Variants in PCDH15 observed in about 807,000 individuals in gnomAD.
PCDH15 encodes protocadherin-15.
Under a neutral mutation model 178.5 loss-of-function variants are expected in PCDH15, and 129 were observed. That is an observed-to-expected ratio of 0.72 (90% CI 0.63 to 0.84). The LOEUF (loss-of-function observed/expected upper bound fraction) is 0.84, where lower values mean the gene tolerates loss of function less well. PCDH15 is among the 40% of genes least tolerant of loss of function. The pLI is 0.00. For synonymous variants in PCDH15, 800 were observed against 732.0 expected (o/e 1.09, Z -1.50); for missense variants, 2,230 against 2,099.9 (o/e 1.06, Z -1.21).
intron 17 of PCDH15, among the ~76,000 whole-genome samples, chr10:54,068,174 T>C (rs1483351629): frequency 6.6e-6 from 1 of 152,058 alleles, no homozygotes; most frequent in Non-Finnish European, 1.5e-5. Flanking sequence ...CAAAAGCAAA[T>C]ACTTTTTTTA....
At chr10:54,158,931 C>A (rs561562253) in intron 13 of PCDH15, among the ~76,000 whole-genome samples, 3 of 152,054 alleles carry the variant, frequency 2.0e-5, no homozygotes, top group East Asian at 1.9e-4. Flanking sequence ...CACGGTGAAA[C>A]CCCATCTCTA....
chr10:54,321,966 C>T (rs1319285387), intron 7 of PCDH15, among the ~76,000 whole-genome samples: 2 of 151,942 alleles, frequency 1.3e-5, no homozygotes, highest in Non-Finnish European at 2.9e-5. Context: ...CATGCACACT[C>T]ATAACTTGTG....
chr10:54,446,005 A>C (rs549618724), intron 3 of PCDH15, among the ~76,000 whole-genome samples: 1 of 151,108 alleles, frequency 6.6e-6, no homozygotes, highest in African/African-American at 2.4e-5. Flanking sequence ...CAGGTCTCTC[A>C]TTTTTTTTAA....
At chr10:54,072,119 T>G (rs2094256123) in intron 17 of PCDH15, among the ~76,000 whole-genome samples, 1 of 152,152 alleles carries the variant, frequency 6.6e-6, no homozygotes, top group African/African-American at 2.4e-5. Context: ...ATGTTATTTA[T>G]AGAACACAAA....
chr10:54,309,627 C>T (rs969945248), intron 8 of PCDH15, among the ~76,000 whole-genome samples: 7 of 151,818 alleles, frequency 4.6e-5, no homozygotes, highest in African/African-American at 1.7e-4. Context: ...AACCCTGTCT[C>T]AACTGAAAAA....
chr10:54,740,363 A>G (rs191899417), intron 1 of PCDH15, among the ~76,000 whole-genome samples: 210 of 152,082 alleles, frequency 1.4e-3, no homozygotes, highest in Middle Eastern at 6.8e-3. Context: ...ATAATTAAAA[A>G]GACAACAAAT....
At chr10:54,678,447 G>T (rs1271146749) in intron 1 of PCDH15, among the ~76,000 whole-genome samples, 5 of 152,074 alleles carry the variant, frequency 3.3e-5, no homozygotes, top group Admixed American at 2.6e-4. Context: ...GGTATTTTCT[G>T]ATTATTATTT....
chr10:54,683,499 G>A (rs951043242), intron 1 of PCDH15, among the ~76,000 whole-genome samples: 3 of 152,036 alleles, frequency 2.0e-5, no homozygotes, highest in South Asian at 2.1e-4. Context: ...ATTTTATCAC[G>A]TTTCAGATGG....
At chr10:55,231,859 A>G (rs1319621541) in intron 1 of PCDH15, among the ~76,000 whole-genome samples, 1 of 152,006 alleles carries the variant, frequency 6.6e-6, no homozygotes, top group Non-Finnish European at 1.5e-5. Flanking sequence ...ATATTTGCTT[A>G]CTTTTTCTTT....
At position 54,783,117 on chromosome 10, in the gene PCDH15, C is replaced by A. The variant is rs1950529668; in HGVS notation, c.-29+17808G>T. Among the ~76,000 whole-genome samples, 3 of 151,920 alleles carry A rather than the reference C, an allele frequency of 2.0e-5. No individual in the cohort carries two copies. In the South Asian group the frequency reaches 6.2e-4, roughly 31 times the overall value. On this transcript the variant is annotated intron_variant, in intron 1 of 37. Coordinates refer to ENST00000644397, the MANE Select transcript of PCDH15 (RefSeq NM_001384140.1). ...CTTTCAAAGGAACAAAATAATTTTC[C>A]AGTAAGAGAACCCATCTCTAAAAGG... is the stretch of plus-strand genomic sequence containing the variant.
chr10:54,187,626 A>G (rs980135982), intron 11 of PCDH15, among the ~76,000 whole-genome samples: 3 of 151,930 alleles, frequency 2.0e-5, no homozygotes, highest in Non-Finnish European at 4.4e-5. Flanking sequence ...AACTAGCTGG[A>G]GAAAGATAAC....
chr10:54,530,507 C>G (rs1589924095), intron 2 of PCDH15, among the ~76,000 whole-genome samples: 1 of 152,276 alleles, frequency 6.6e-6, no homozygotes, highest in East Asian at 1.9e-4. Flanking sequence ...AACCTCAGAA[C>G]ATGATACTGG....
At chr10:54,652,718 T>A (rs187623423) in intron 2 of PCDH15, among the ~76,000 whole-genome samples, 22 of 152,210 alleles carry the variant, frequency 1.4e-4, no homozygotes, top group African/African-American at 3.9e-4. Flanking sequence ...AGGGTAGATA[T>A]CTGAAAGCCA....
intron 2 of PCDH15, among the ~76,000 whole-genome samples, chr10:54,622,710 T>TATATATA (rs1474918516): frequency 1.0e-5 from 1 of 100,492 alleles, no homozygotes; most frequent in Non-Finnish European, 1.9e-5. Flanking sequence ...TTCTATATAT[T>TATATATA]ATATATAATA....
At chr10:54,975,856 T>A (rs1564680810) in intron 2 of PCDH15, among the ~76,000 whole-genome samples, 2 of 152,176 alleles carry the variant, frequency 1.3e-5, no homozygotes, top group South Asian at 4.1e-4. Flanking sequence ...TTTATGTAAC[T>A]TGTAAATTAG....
chr10:54,260,915 G>A (rs962893611), intron 8 of PCDH15, among the ~76,000 whole-genome samples: 1 of 152,146 alleles, frequency 6.6e-6, no homozygotes, highest in Non-Finnish European at 1.5e-5. Context: ...TTACAGGTGT[G>A]AGCCACCATG....
intron 1 of PCDH15, among the ~76,000 whole-genome samples, chr10:54,699,939 G>A (rs2095286117): frequency 2.6e-5 from 4 of 152,054 alleles, no homozygotes; most frequent in African/African-American, 4.8e-5. Context: ...TATATTTTAT[G>A]TATTTTAAAT....
intron 25 of PCDH15, among the ~76,000 whole-genome samples, chr10:53,933,241 G>A (rs185327292): frequency 2.2e-3 from 331 of 151,784 alleles, no homozygotes; most frequent in African/African-American, 7.9e-3. Context: ...TGTTACACAT[G>A]TATACATGTG....
At chr10:55,509,057 AAT>A (rs1840822598) in intron 2 of PCDH15, among the ~76,000 whole-genome samples, 2 of 151,808 alleles carry the variant, frequency 1.3e-5, no homozygotes, top group Non-Finnish European at 2.9e-5. Flanking sequence ...CCTTGATGCA[AAT>A]ACATGACAGA....
Sources: allele counts gnomAD v4.1 joint callset (sites outside exome capture counted in the v4.1 genomes callset), GRCh38; gene constraint gnomAD v4.1.1; transcripts MANE v1.5; gene names NCBI Gene and HGNC (gene_info 2026-07-23, HGNC 2026-07-21).